CTIF: variants seen among roughly 807,000 people sequenced by gnomAD.
The protein encoded by CTIF is CBP80/20-dependent translation initiation factor.
A neutral mutation model predicts 66.0 loss-of-function variants in CTIF; 21 were observed. The ratio of observed to expected loss-of-function variants is 0.32; its 90% CI spans 0.23 to 0.46. The LOEUF is 0.46. Among genes scored for constraint, CTIF ranks in the 20% least tolerant of loss-of-function variants. The pLI is 1.00. For synonymous variants in CTIF, 345 were observed against 326.4 expected (o/e 1.06, Z -0.62); for missense variants, 739 against 812.7 (o/e 0.91, Z 1.10).
intron 3 of CTIF, among the ~76,000 whole-genome samples, chr18:48,653,727 G>A (rs941466895): frequency 9.2e-5 from 14 of 152,136 alleles, no homozygotes; most frequent in South Asian, 2.1e-4. Flanking sequence ...TTCAAACTAT[G>A]CTGCAAGGCT....
chr18:48,812,586 C>G (rs2068280280), intron 9 of CTIF, among the ~76,000 whole-genome samples: 1 of 151,820 alleles, frequency 6.6e-6, no homozygotes, highest in Non-Finnish European at 1.5e-5. Flanking sequence ...GACCTTGTCT[C>G]TACAAAAAAA....
intron 10 of CTIF, among the ~76,000 whole-genome samples, chr18:48,819,464 TGTC>T (rs2068437488): frequency 6.6e-6 from 1 of 152,156 alleles, no homozygotes; most frequent in Admixed American, 6.5e-5. Context: ...CTCCTGGTGT[TGTC>T]GTCACCTGCT....
intron 7 of CTIF, chr18:48,756,001 G>C (rs1228296192): frequency 1.3e-5 from 2 of 152,216 alleles, no homozygotes; most frequent in African/African-American, 4.8e-5. Flanking sequence ...CAGACTTGGA[G>C]CTAAAGAAAC....
intron 1 of CTIF, among the ~76,000 whole-genome samples, chr18:48,549,106 T>C (rs1447218936): frequency 6.6e-6 from 1 of 152,188 alleles, no homozygotes; most frequent in Non-Finnish European, 1.5e-5. Flanking sequence ...GGGTCATACC[T>C]GACACTATTA....
chr18:48,703,549 T>C (rs1009310588), intron 6 of CTIF, among the ~76,000 whole-genome samples: 3 of 152,152 alleles, frequency 2.0e-5, no homozygotes, highest in Admixed American at 6.5e-5. Flanking sequence ...GAGAGAGAGA[T>C]AATAGACCTA....
At chr18:48,575,521 C>A (rs146737213) in intron 1 of CTIF, among the ~76,000 whole-genome samples, 1 of 152,218 alleles carries the variant, frequency 6.6e-6, no homozygotes, top group Admixed American at 6.5e-5. Context: ...ATTACAGCAG[C>A]GCACTGTGAG....
At chr18:48,797,566 T>A (rs1171280246) in intron 9 of CTIF, among the ~76,000 whole-genome samples, 2 of 151,398 alleles carry the variant, frequency 1.3e-5, no homozygotes, top group South Asian at 4.2e-4. Flanking sequence ...ATATTTTACC[T>A]TGTGAGTTGA....
At chr18:48,599,807 G>A (rs371291295) in intron 1 of CTIF, among the ~76,000 whole-genome samples, 6 of 152,198 alleles carry the variant, frequency 3.9e-5, no homozygotes, top group South Asian at 2.1e-4. Context: ...GTTAGGAGGC[G>A]AAAGGGTGAC....
At chr18:48,705,051 G>T (rs558297182) in intron 6 of CTIF, among the ~76,000 whole-genome samples, 60 of 152,286 alleles carry the variant, frequency 3.9e-4, no homozygotes, top group African/African-American at 1.4e-3. Flanking sequence ...GCCTCTGAAG[G>T]AATTGGTCTA....
intron 1 of CTIF, among the ~76,000 whole-genome samples, chr18:48,554,730 T>C (rs887844766): frequency 5.3e-5 from 8 of 152,370 alleles, no homozygotes; most frequent in Admixed American, 2.0e-4. Context: ...ATCTAGAAGA[T>C]GGGAGAGGCT....
intron 7 of CTIF, among the ~76,000 whole-genome samples, chr18:48,717,465 C>T (rs1161600761): frequency 6.6e-6 from 1 of 151,682 alleles, no homozygotes; most frequent in Non-Finnish European, 1.5e-5. Context: ...TTTTGTCCCT[C>T]CCTCTCTTCC....
intron 5 of CTIF, among the ~76,000 whole-genome samples, chr18:48,666,171 C>G (rs767866787): frequency 6.6e-6 from 1 of 152,052 alleles, no homozygotes; most frequent in Non-Finnish European, 1.5e-5. Flanking sequence ...TACTGATGAC[C>G]CTTACTTTTC....
rs144619360 is a variant in CTIF, at chr18:48,599,676, C to G, written c.-28-19862C>G. On this transcript the variant is annotated intron_variant, in intron 1 of 11. Transcript: ENST00000256413. ...CACCAGACTGTCCCCCTCATGCCAGCACCTTCCTGCTCAGCTGGCCTCTGC... is the reference window on the plus strand; with the variant it reads ...CACCAGACTGTCCCCCTCATGCCAGGACCTTCCTGCTCAGCTGGCCTCTGC... 3.1e-3 allele frequency among the ~76,000 whole-genome samples: 471 copies of G among 152,344 alleles called. 6 individuals carry two copies. The highest frequency in any genetic ancestry group is 0.011 in the African/African-American group (444 of 41,576).
At chr18:48,630,330 C>T (rs1334400258) in intron 2 of CTIF, among the ~76,000 whole-genome samples, 1 of 152,172 alleles carries the variant, frequency 6.6e-6, no homozygotes, top group Non-Finnish European at 1.5e-5. Context: ...TTGCAAGTAG[C>T]TTCTCACTTG....
intron 1 of CTIF, among the ~76,000 whole-genome samples, chr18:48,604,130 C>A (rs531845617): frequency 6.7e-6 from 1 of 149,620 alleles, no homozygotes; most frequent in African/African-American, 2.5e-5. Flanking sequence ...AGGTGTGAAC[C>A]ACCACACCCC....
chr18:48,714,126 A>G (rs2092256335), intron 7 of CTIF, among the ~76,000 whole-genome samples: 1 of 152,206 alleles, frequency 6.6e-6, no homozygotes, highest in Non-Finnish European at 1.5e-5. Context: ...CCGCTGCAGA[A>G]TATTATCAGG....
At chr18:48,722,709 C>T (rs916551238) in intron 7 of CTIF, among the ~76,000 whole-genome samples, 2 of 152,050 alleles carry the variant, frequency 1.3e-5, no homozygotes, top group Non-Finnish European at 2.9e-5. Flanking sequence ...CATCAGCGCT[C>T]ACAGGTGTAA....
At position 48,859,639 on chromosome 18, in the gene CTIF, G is replaced by T; in HGVS notation, c.*80G>T. 1 of 1,379,610 alleles carries T rather than the reference G, an allele frequency of 7.2e-7. No individual in the cohort carries two copies. Among genetic ancestry groups the T allele is most frequent in the South Asian group, 1.2e-5 (1 of 85,926 alleles). 85.5% of individuals were successfully genotyped at this position (1,379,610 alleles called of 1,614,324 possible). A position where few individuals can be genotyped will look rare whatever the true frequency, so the allele number is the denominator to read the frequency against. On this transcript the variant is annotated 3_prime_UTR_variant, in exon 12 of 12. Transcript: ENST00000256413. ...GCCAGATGGACAGGCGGGAGGACAG[G>T]GGTGGCCCTGGCGGGAGAAAGAAAT...
chr18:48,564,173 G>C (rs553029873), intron 1 of CTIF, among the ~76,000 whole-genome samples: 1 of 152,300 alleles, frequency 6.6e-6, no homozygotes, highest in African/African-American at 2.4e-5. Context: ...TTAGGGGCAA[G>C]GACTTAGGCA....
Sources: gnomAD v4.1 joint callset for allele counts (sites outside exome capture counted in the v4.1 genomes callset) on GRCh38, gnomAD v4.1.1 for gene constraint, MANE v1.5 for transcripts, NCBI Gene and HGNC (gene_info 2026-07-23, HGNC 2026-07-21) for gene names.